The following PCDH19 variants were observed in gnomAD, a reference collection of about 807,000 sequenced individuals.
PCDH19 encodes protocadherin 19, also known as protocadherin-19.
PCDH19 carries 6 observed loss-of-function variants against 46.2 expected under a neutral mutation model. That is an observed-to-expected ratio of 0.13 (90% CI 0.07 to 0.26). PCDH19 has a LOEUF of 0.26. Ranked by LOEUF, PCDH19 falls within the 10% of genes least tolerant of loss-of-function variation. The pLI is 1.00. For synonymous variants in PCDH19, 481 were observed against 415.7 expected (o/e 1.16, Z -1.91); for missense variants, 740 against 972.3 (o/e 0.76, Z 3.18).
At chrX:100,375,826 T>C (rs953076118) in intron 3 of PCDH19, among the ~76,000 whole-genome samples, 4 of 112,351 alleles carry the variant, frequency 3.6e-5, no homozygotes, top group Non-Finnish European at 7.5e-5. Context: ...TCTAATGAAA[T>C]GGTGCTATGG....
intron 3 of PCDH19, among the ~76,000 whole-genome samples, chrX:100,372,106 G>A (rs1225159747): frequency 5.4e-5 from 6 of 110,980 alleles, no homozygotes; most frequent in Non-Finnish European, 9.4e-5. Context: ...GAGTGGTGGC[G>A]CACGCCTGTA....
intron 3 of PCDH19, among the ~76,000 whole-genome samples, chrX:100,394,071 G>A (rs1006893899): frequency 8.9e-6 from 1 of 111,951 alleles, no homozygotes; most frequent in Non-Finnish European, 1.9e-5. Context: ...GGAGGCTGAG[G>A]CAGCAGAATC....
intron 5 of PCDH19, among the ~76,000 whole-genome samples, chrX:100,329,753 CA>C (rs1310540906): frequency 1.8e-5 from 2 of 108,119 alleles, no homozygotes; most frequent in Admixed American, 9.8e-5. Flanking sequence ...ACTAAAAATA[CA>C]AAAAAAAATT....
At chrX:100,400,432 AAC>A (rs1928144682) in intron 3 of PCDH19, among the ~76,000 whole-genome samples, 1 of 112,134 alleles carries the variant, frequency 8.9e-6, no homozygotes, top group African/African-American at 3.2e-5. Context: ...TAGATAAAGA[AAC>A]AGAGTCTTAT....
chrX:100,397,612 A>G (rs1928062534), intron 3 of PCDH19, among the ~76,000 whole-genome samples: 1 of 112,290 alleles, frequency 8.9e-6, no homozygotes, highest in African/African-American at 3.2e-5. Context: ...ATTTAAAAAT[A>G]CTGCACAAAG....
At chrX:100,379,131 C>T (rs1313304521) in intron 3 of PCDH19, among the ~76,000 whole-genome samples, 2 of 110,887 alleles carry the variant, frequency 1.8e-5, no homozygotes, top group African/African-American at 6.6e-5. Context: ...CTCCCCCTGG[C>T]CACATCATCT....
intron 3 of PCDH19, among the ~76,000 whole-genome samples, chrX:100,394,241 A>C (rs1204727500): frequency 1.8e-5 from 2 of 112,243 alleles, no homozygotes; most frequent in South Asian, 3.7e-4. Context: ...ACTTGACACC[A>C]AGCTTCCTGC....
At chrX:100,311,404 G>A (rs1925128161) in intron 5 of PCDH19, among the ~76,000 whole-genome samples, 1 of 111,170 alleles carries the variant, frequency 9.0e-6, no homozygotes, top group Non-Finnish European at 1.9e-5. Context: ...CTGTTGAATG[G>A]AACAAAAAGG....
chrX:100,310,100 A>T lies in PCDH19; in HGVS notation c.2849-13225T>A, dbSNP rs917809535. Among the ~76,000 whole-genome samples, 5 of 112,357 alleles carry T rather than the reference A, an allele frequency of 4.5e-5. 1 individual carries two copies. The highest frequency in any genetic ancestry group is 9.4e-5 in the Non-Finnish European group (5 of 53,274). ...TTTCAGAATTCAAAGCAATTGAATT[A>T]TCTTCAATGGAATCTTTAGTGCTGA... On this transcript the variant is annotated intron_variant, in intron 5 of 5. Transcript: ENST00000373034.
At chrX:100,330,982 A>T (rs1329391954) in intron 5 of PCDH19, among the ~76,000 whole-genome samples, 1 of 112,406 alleles carries the variant, frequency 8.9e-6, no homozygotes, top group Non-Finnish European at 1.9e-5. Flanking sequence ...CCTCAATGTG[A>T]CAAAACTTTG....
chrX:100,308,651 G>C (rs1925025494), intron 5 of PCDH19, among the ~76,000 whole-genome samples: 1 of 111,001 alleles, frequency 9.0e-6, no homozygotes, highest in South Asian at 4.0e-4. Flanking sequence ...CTAATATCCA[G>C]AATCTACAAG....
chrX:100,364,263 C>A (rs1927010848), intron 3 of PCDH19, among the ~76,000 whole-genome samples: 1 of 111,794 alleles, frequency 8.9e-6, no homozygotes, highest in South Asian at 3.8e-4. Flanking sequence ...CAACTCAGGA[C>A]CTCCTTGGAG....
chrX:100,389,391 GT>G (rs376759820), intron 3 of PCDH19, among the ~76,000 whole-genome samples: 9 of 108,013 alleles, frequency 8.3e-5, no homozygotes, highest in Middle Eastern at 4.4e-3. Flanking sequence ...GGGGTTGTGG[GT>G]GGGGGAAATA....
chrX:100,355,960 GCAC>G (rs753272996), intron 3 of PCDH19, among the ~76,000 whole-genome samples: 7 of 110,072 alleles, frequency 6.4e-5, no homozygotes, highest in Middle Eastern at 9.3e-3. Flanking sequence ...AGCTCTCTCA[GCAC>G]CACATTTATC....
intron 5 of PCDH19, among the ~76,000 whole-genome samples, chrX:100,314,749 G>A (rs199682015): frequency 1.8e-4 from 20 of 111,529 alleles, no homozygotes; most frequent in African/African-American, 5.9e-4. Context: ...TGGAATTGCC[G>A]TTACAAAATT....
chrX:100,339,320 G>T (rs961895456), intron 5 of PCDH19, among the ~76,000 whole-genome samples: 2 of 111,661 alleles, frequency 1.8e-5, no homozygotes, highest in African/African-American at 6.5e-5. Flanking sequence ...AGGAATTCTT[G>T]AGATTTTCAG....
intron 3 of PCDH19, among the ~76,000 whole-genome samples, chrX:100,391,401 G>A (rs1430749077): frequency 1.8e-5 from 2 of 111,665 alleles, no homozygotes; most frequent in Admixed American, 9.5e-5. Flanking sequence ...TTTGAACAGA[G>A]AGGCTCTGAG....
chrX:100,358,116 A>G (rs1489064238), intron 3 of PCDH19, among the ~76,000 whole-genome samples: 1 of 112,282 alleles, frequency 8.9e-6, no homozygotes, highest in Non-Finnish European at 1.9e-5. Context: ...TGACACAGTT[A>G]GGTGCCTTCT....
rs1014873956 is a variant in PCDH19 at position 100,409,654 on chromosome X, C to T, written c.-1057G>A. On this transcript the variant is annotated 5_prime_UTR_variant, in exon 1 of 6. Coordinates refer to ENST00000373034, the MANE Select transcript of PCDH19 (RefSeq NM_001184880.2). Reference sequence around the variant, plus strand: ...CGGCCAGGAGAGGCGGGGCCGCCGCCGTGGGTACCGGGTGCTTCTCTTCTC... The same window carrying T: ...CGGCCAGGAGAGGCGGGGCCGCCGCTGTGGGTACCGGGTGCTTCTCTTCTC... 1.5e-4 allele frequency: 29 copies of T among 195,649 alleles called. No individual in the cohort carries two copies. Among genetic ancestry groups the T allele is most frequent in the African/African-American group, 8.6e-4 (27 of 31,337 alleles). The allele number at this position is 195,649 out of a possible 1,213,427, so 16.1% of individuals were successfully genotyped here.
Sources: allele counts gnomAD v4.1 joint callset (sites outside exome capture counted in the v4.1 genomes callset), GRCh38; gene constraint gnomAD v4.1.1; transcripts MANE v1.5; gene names NCBI Gene and HGNC (gene_info 2026-07-23, HGNC 2026-07-21).